SCD5: variants seen among roughly 807,000 people sequenced by gnomAD.
SCD5 encodes stearoyl-CoA desaturase 5.
Under a neutral mutation model 30.4 loss-of-function variants are expected in SCD5, and 20 were observed. That is an observed-to-expected ratio of 0.66 (90% CI 0.46 to 0.96). SCD5 has a LOEUF of 0.96. SCD5 is among the 40% of genes least tolerant of loss of function. SCD5 has a pLI of 0.00. For synonymous variants in SCD5, 173 were observed against 176.4 expected (o/e 0.98, Z 0.16); for missense variants, 381 against 443.3 (o/e 0.86, Z 1.26).
intron 2 of SCD5, among the ~76,000 whole-genome samples, chr4:82,681,837 G>C (rs1427402602): frequency 1.3e-5 from 2 of 152,136 alleles, no homozygotes; most frequent in Non-Finnish European, 2.9e-5. Flanking sequence ...TAAGAGAGGG[G>C]CAGTCCTGAG....
At chr4:82,742,496 C>T (rs1027500070) in intron 1 of SCD5, among the ~76,000 whole-genome samples, 1 of 152,182 alleles carries the variant, frequency 6.6e-6, no homozygotes, top group African/African-American at 2.4e-5. Context: ...AATAAAGATG[C>T]ACCTTTCTGG....
At position 82,630,280 on chromosome 4, in the gene SCD5, A is replaced by G. The variant is rs957476564; in HGVS notation, c.*1047T>C. The G allele has an allele frequency of 4.6e-5, 7 of 152,258 alleles. No homozygotes were observed. The highest frequency in any genetic ancestry group is 1.0e-4 in the Non-Finnish European group (7 of 68,048). The allele number at this position is 152,258 out of a possible 1,614,324, so 9.4% of individuals were successfully genotyped here. A position where few individuals can be genotyped will look rare whatever the true frequency, so the allele number is the denominator to read the frequency against. ...TAGAGCATTAACAAGCTGTAAACACAGCAAAAAAATAAACAAGAGCCATTT... is the reference window on the plus strand; with the variant it reads ...TAGAGCATTAACAAGCTGTAAACACGGCAAAAAAATAAACAAGAGCCATTT... On this transcript the variant is annotated 3_prime_UTR_variant, in exon 5 of 5. Transcript: ENST00000319540.
intron 1 of SCD5, among the ~76,000 whole-genome samples, chr4:82,705,882 A>G (rs1401763475): frequency 6.6e-6 from 1 of 152,226 alleles, no homozygotes; most frequent in Admixed American, 6.5e-5. Context: ...AGAGAGCACA[A>G]TATTACATCT....
intron 2 of SCD5, among the ~76,000 whole-genome samples, chr4:82,690,359 C>T (rs2148823879): frequency 6.6e-6 from 1 of 152,284 alleles, no homozygotes; most frequent in African/African-American, 2.4e-5. Flanking sequence ...TATACCCAAG[C>T]TCATGATTTT....
chr4:82,754,910 G>A (rs934033825), intron 1 of SCD5, among the ~76,000 whole-genome samples: 1 of 152,148 alleles, frequency 6.6e-6, no homozygotes, highest in Non-Finnish European at 1.5e-5. Flanking sequence ...CTGAGGCTTT[G>A]AACACTTCAC....
chr4:82,653,709 T>TAGATAGATAG (rs1560524973), intron 3 of SCD5, among the ~76,000 whole-genome samples: 163 of 136,240 alleles, frequency 1.2e-3, no homozygotes, highest in Non-Finnish European at 2.0e-3. Context: ...TAGATAGATA[T>TAGATAGATAG]AGATAGATAG....
intron 2 of SCD5, chr4:82,697,955 A>G (rs958422261): frequency 6.6e-6 from 3 of 455,460 alleles, no homozygotes; most frequent in Non-Finnish European, 1.3e-5. Context: ...AAATGTTCCA[A>G]ATGTGCCCTG....
intron 3 of SCD5, among the ~76,000 whole-genome samples, chr4:82,641,507 G>T (rs559809741): frequency 2.0e-5 from 3 of 152,256 alleles, no homozygotes; most frequent in African/African-American, 7.2e-5. Flanking sequence ...GGGAGGGCTT[G>T]CTGACACTAT....
At chr4:82,681,961 G>C (rs374525606) in intron 2 of SCD5, among the ~76,000 whole-genome samples, 12 of 152,056 alleles carry the variant, frequency 7.9e-5, no homozygotes, top group African/African-American at 2.9e-4. Flanking sequence ...AACCCAAATG[G>C]CTACTTCCCC....
chr4:82,766,010 T>C (rs371872580), intron 1 of SCD5, among the ~76,000 whole-genome samples: 43 of 152,246 alleles, frequency 2.8e-4, no homozygotes, highest in Non-Finnish European at 5.4e-4. Context: ...CTTTTCTCTC[T>C]GGCTAATTTA....
intron 1 of SCD5, among the ~76,000 whole-genome samples, chr4:82,720,441 TAAAAAA>T (rs1553917690): frequency 7.7e-5 from 6 of 77,940 alleles, no homozygotes; most frequent in African/African-American, 3.2e-4. Context: ...AAGGCAAAAA[TAAAAAA>T]AAAAAAAAAA....
intron 1 of SCD5, among the ~76,000 whole-genome samples, chr4:82,713,253 G>A (rs1042190534): frequency 3.3e-5 from 5 of 152,166 alleles, no homozygotes; most frequent in Non-Finnish European, 5.9e-5. Context: ...TGTCCTTCCT[G>A]CCTTGGGTTA....
chr4:82,768,784 G>A (rs541886205), intron 1 of SCD5, among the ~76,000 whole-genome samples: 7 of 152,168 alleles, frequency 4.6e-5, no homozygotes, highest in Admixed American at 1.3e-4. Flanking sequence ...TTTTTTAAAC[G>A]AGTTTTGCCT....
At chr4:82,701,220 T>C (rs1719831825) in intron 2 of SCD5, among the ~76,000 whole-genome samples, 2 of 151,916 alleles carry the variant, frequency 1.3e-5, no homozygotes, top group Admixed American at 1.3e-4. Context: ...TCTAGGGCAA[T>C]CCATAAAAAT....
intron 1 of SCD5, among the ~76,000 whole-genome samples, chr4:82,748,772 G>A (rs144646253): frequency 1.2e-3 from 187 of 152,324 alleles, no homozygotes; most frequent in Non-Finnish European, 1.8e-3. Flanking sequence ...TTTATCAGTA[G>A]ACTGCAGAAC....
intron 1 of SCD5, among the ~76,000 whole-genome samples, chr4:82,752,823 A>C (rs1041252780): frequency 3.3e-5 from 5 of 152,200 alleles, no homozygotes; most frequent in Non-Finnish European, 7.3e-5. Context: ...CAGTGTTGAA[A>C]ATGGATACAA....
At chr4:82,704,556 T>C (rs1719929127) in intron 2 of SCD5, among the ~76,000 whole-genome samples, 1 of 152,216 alleles carries the variant, frequency 6.6e-6, no homozygotes, top group Non-Finnish European at 1.5e-5. Context: ...GTGATGACCG[T>C]CTCTTACATT....
At chr4:82,705,541 A>C in intron 1 of SCD5, 128 bp from the exon 2 acceptor site, 1 of 1,273,266 alleles carries the variant, frequency 7.9e-7, no homozygotes, top group Non-Finnish European at 1.1e-6. Flanking sequence ...AACATGAAGA[A>C]TCAATAACTT....
intron 1 of SCD5, among the ~76,000 whole-genome samples, chr4:82,720,434 G>GCAAAAAGA (rs1720343173): frequency 4.2e-5 from 1 of 23,764 alleles, no homozygotes; most frequent in Non-Finnish European, 6.5e-5. Context: ...CTCAAAAAAG[G>GCAAAAAGA]CAAAAATAAA....
Sources: allele counts gnomAD v4.1 joint callset (sites outside exome capture counted in the v4.1 genomes callset), GRCh38; gene constraint gnomAD v4.1.1; transcripts MANE v1.5; gene names NCBI Gene and HGNC (gene_info 2026-07-23, HGNC 2026-07-21).